SDK2: variants seen among roughly 807,000 people sequenced by gnomAD.
The protein encoded by SDK2 is protein sidekick-2.
A neutral mutation model predicts 253.9 loss-of-function variants in SDK2; 105 were observed. That is an observed-to-expected ratio of 0.41 (90% CI 0.35 to 0.49). The LOEUF is 0.49. Among genes scored for constraint, SDK2 ranks in the 20% least tolerant of loss-of-function variants. The pLI is 0.06. For missense variants in SDK2, 2,608 were observed against 3,003.0 expected, an observed-to-expected ratio of 0.87 and a Z score of 3.07; for synonymous variants, 1,249 against 1,234.9, an observed-to-expected ratio of 1.01 and a Z score of -0.24.
intron 44 of SDK2, 73 bp downstream of exon 44, chr17:73,348,526 C>T: frequency 1.3e-6 from 2 of 1,542,748 alleles, no homozygotes; most frequent in South Asian, 1.2e-5. Flanking sequence ...GAAAGCCCAT[C>T]TACGTTCACT....
intron 2 of SDK2, among the ~76,000 whole-genome samples, chr17:73,476,726 TCCTG>T (rs1226438273): frequency 6.6e-6 from 1 of 152,182 alleles, no homozygotes; most frequent in Non-Finnish European, 1.5e-5. Flanking sequence ...TAAGCGATCC[TCCTG>T]CCTCAACCTT....
intron 6 of SDK2, among the ~76,000 whole-genome samples, chr17:73,439,753 C>T (rs2063399468): frequency 6.6e-6 from 1 of 152,162 alleles, no homozygotes; most frequent in Admixed American, 6.5e-5. Context: ...AGATCATTCC[C>T]ATTTTACAGA....
intron 36 of SDK2, among the ~76,000 whole-genome samples, chr17:73,373,866 AC>A (rs1279764840): frequency 6.6e-6 from 1 of 150,552 alleles, no homozygotes; most frequent in Non-Finnish European, 1.5e-5. Flanking sequence ...CGAACTACTG[AC>A]CTCAGGTGAT....
intron 25 of SDK2, 78 bp from the exon 26 acceptor site, chr17:73,394,402 G>A: frequency 1.1e-6 from 1 of 870,164 alleles, no homozygotes; most frequent in Non-Finnish European, 1.6e-6. Context: ...CAGGACAGGG[G>A]GCCGAGGGAG....
At chr17:73,529,125 AT>A (rs915125633) in intron 1 of SDK2, among the ~76,000 whole-genome samples, 1 of 152,144 alleles carries the variant, frequency 6.6e-6, no homozygotes, top group Non-Finnish European at 1.5e-5. Context: ...TGGGGAAACT[AT>A]TTCCTTGTCC....
At chr17:73,392,932 A>T (rs2062939909) in intron 27 of SDK2, among the ~76,000 whole-genome samples, 1 of 152,046 alleles carries the variant, frequency 6.6e-6, no homozygotes, top group African/African-American at 2.4e-5. Flanking sequence ...CTCAAAGTGA[A>T]CCTGCTCCAG....
At position 73,572,912 on chromosome 17, in the gene SDK2, C is replaced by G. The variant is rs544216746; in HGVS notation, c.65-65315G>C. On this transcript the variant is annotated intron_variant, in intron 1 of 44. Transcript: ENST00000392650. ...GAGCCTCCCAGCGCCGTCAAACACC[C>G]AGCATGCTCACTTGTAATGGCGCCT... is the stretch of plus-strand genomic sequence containing the variant. Among the ~76,000 whole-genome samples the G allele has an allele frequency of 9.2e-5, 14 of 152,326 alleles. No individual in the cohort carries two copies. The East Asian group carries it at 1.5e-3, about 17-fold the overall frequency.
intron 43 of SDK2, 65 bp from the exon 44 acceptor site, chr17:73,348,790 G>C: frequency 7.1e-7 from 1 of 1,411,862 alleles, no homozygotes; most frequent in Non-Finnish European, 9.8e-7. Context: ...CCTGGCCTAG[G>C]GAGACCACAG....
At chr17:73,382,432 C>T (rs1461739424) in intron 33 of SDK2, among the ~76,000 whole-genome samples, 1 of 152,120 alleles carries the variant, frequency 6.6e-6, no homozygotes, top group Non-Finnish European at 1.5e-5. Context: ...TGGTCTGAGT[C>T]CAAATCTTAG....
At position 73,352,075 on chromosome 17, in the gene SDK2, C is replaced by T. The variant is rs1431170666; in HGVS notation, c.5758+398G>A. 6.6e-6 allele frequency among the ~76,000 whole-genome samples: 1 copy of T among 152,114 alleles called. No homozygotes were observed. The highest frequency in any genetic ancestry group is 1.5e-5 in the Non-Finnish European group (1 of 68,020). On this transcript the variant is annotated intron_variant, in intron 41 of 44. Transcript: ENST00000392650. The surrounding 1 kb of genome is among the most constrained non-coding windows in gnomAD (Gnocchi z 4.1). Reference sequence around the variant, plus strand: ...GCACTAGGTCAGGCCTAAGGCCCACCTGTGTCTCTGCTGCTCTGCAGGCTG... The same window carrying T: ...GCACTAGGTCAGGCCTAAGGCCCACTTGTGTCTCTGCTGCTCTGCAGGCTG...
chr17:73,393,825 C>A, intron 26 of SDK2, 76 bp from the exon 27 acceptor site: 1 of 1,175,722 alleles, frequency 8.5e-7, no homozygotes. Context: ...GTCTCATCCC[C>A]AGGATGAGCA....
At chr17:73,439,398 CT>C (rs954431482) in intron 6 of SDK2, among the ~76,000 whole-genome samples, 2 of 152,126 alleles carry the variant, frequency 1.3e-5, no homozygotes, top group African/African-American at 4.8e-5. Flanking sequence ...GAGGAGCATA[CT>C]TTTAGAAATG....
intron 3 of SDK2, among the ~76,000 whole-genome samples, chr17:73,470,408 C>G (rs565686498): frequency 1.3e-5 from 2 of 152,264 alleles, no homozygotes; most frequent in Non-Finnish European, 2.9e-5. Flanking sequence ...TTTGCACACA[C>G]CCATGCACAC....
chr17:73,493,354 AT>A (rs774383332), intron 2 of SDK2, among the ~76,000 whole-genome samples: 1 of 152,170 alleles, frequency 6.6e-6, no homozygotes, highest in Non-Finnish European at 1.5e-5. Context: ...CGAGTGCTTC[AT>A]TTGCATGTTC....
intron 1 of SDK2, among the ~76,000 whole-genome samples, chr17:73,568,287 CCT>C (rs1266984673): frequency 6.6e-6 from 1 of 152,180 alleles, no homozygotes; most frequent in African/African-American, 2.4e-5. Context: ...ACAACTGCTC[CCT>C]CTTTTCTTTC....
rs2062393986 is a variant in SDK2 at position 73,337,955 on chromosome 17, TA to T, written c.*631del. 6.6e-6 allele frequency: 1 copy of T among 152,628 alleles called. No homozygotes were observed. Among genetic ancestry groups the T allele is most frequent in the African/African-American group, 2.4e-5 (1 of 41,452 alleles). 9.5% of individuals were successfully genotyped at this position (152,628 alleles called of 1,614,324 possible). A position where few individuals can be genotyped will look rare whatever the true frequency, so the allele number is the denominator to read the frequency against. On this transcript the variant is annotated 3_prime_UTR_variant, in exon 45 of 45. Transcript: ENST00000392650. ...TGTTTTTTGTTTTTCTTCCTTTTTC[TA>T]AATAAACCAAATGCTTGGTGGAGAA...
chr17:73,356,216 A>G (rs2062591056), intron 40 of SDK2, among the ~76,000 whole-genome samples: 1 of 152,166 alleles, frequency 6.6e-6, no homozygotes, highest in African/African-American at 2.4e-5. Flanking sequence ...TGTTTGCTGG[A>G]TGGGCTGGGA....
chr17:73,422,068 G>A (rs1007736131), intron 15 of SDK2, among the ~76,000 whole-genome samples: 23 of 152,238 alleles, frequency 1.5e-4, no homozygotes, highest in African/African-American at 5.5e-4. Flanking sequence ...ACATTTGGTT[G>A]GTGCTCACCG....
chr17:73,400,081 A>C (rs1342256384), intron 21 of SDK2, among the ~76,000 whole-genome samples: 2 of 152,222 alleles, frequency 1.3e-5, no homozygotes, highest in Non-Finnish European at 2.9e-5. Context: ...CAGGCAGCCC[A>C]GCCATCTACG....
Sources: gnomAD v4.1 joint callset for allele counts (sites outside exome capture counted in the v4.1 genomes callset) on GRCh38, gnomAD v4.1.1 for gene constraint, Gnocchi (gnomAD v3.1) non-coding constraint, MANE v1.5 for transcripts, NCBI Gene and HGNC (gene_info 2026-07-23, HGNC 2026-07-21) for gene names.